Variants in ROS1 observed in about 807,000 individuals in gnomAD.
ROS1 encodes the protein ROS proto-oncogene 1, receptor tyrosine kinase.
Under a neutral mutation model 273.5 loss-of-function variants are expected in ROS1, and 263 were observed. That is an observed-to-expected ratio of 0.96 (90% CI 0.87 to 1.06). The LOEUF (loss-of-function observed/expected upper bound fraction) is 1.06. ROS1 is among the 50% of genes least tolerant of loss of function. The probability of loss-of-function intolerance (pLI) is 0.00; values close to 1 mark genes in which losing one functional copy is unlikely to be tolerated. For synonymous variants in ROS1, 1,008 were observed against 954.1 expected, an observed-to-expected ratio of 1.06 and a Z score of -1.04; for missense variants, 2,833 against 2,751.1, an observed-to-expected ratio of 1.03 and a Z score of -0.67.
intron 39 of ROS1, among the ~76,000 whole-genome samples, chr6:117,315,149 T>C (rs1353677920): frequency 1.3e-5 from 2 of 152,068 alleles, no homozygotes; most frequent in African/African-American, 2.4e-5. Context: ...AATTAAAATA[T>C]GTTAACAAAA....
intron 43 of ROS1, among the ~76,000 whole-genome samples, chr6:117,290,827 C>T (rs1745215840): frequency 6.6e-6 from 1 of 152,174 alleles, no homozygotes; most frequent in African/African-American, 2.4e-5. Flanking sequence ...TAAGCACCCC[C>T]ACTTCTTTGC....
At chr6:117,312,305 C>G (rs1156508883) in intron 39 of ROS1, among the ~76,000 whole-genome samples, 1 of 152,092 alleles carries the variant, frequency 6.6e-6, no homozygotes, top group Non-Finnish European at 1.5e-5. Context: ...AACAAATGCT[C>G]TTAAGTGGTG....
intron 43 of ROS1, among the ~76,000 whole-genome samples, chr6:117,297,496 C>T (rs374593453): frequency 1.3e-5 from 2 of 151,988 alleles, no homozygotes; most frequent in African/African-American, 2.4e-5. Flanking sequence ...CCAGAATATA[C>T]AAGGAATTCA....
intron 43 of ROS1, among the ~76,000 whole-genome samples, chr6:117,295,598 G>C (rs898990792): frequency 6.6e-6 from 1 of 152,152 alleles, no homozygotes; most frequent in African/African-American, 2.4e-5. Context: ...CATCTGACAA[G>C]GGGTTAATAA....
intron 39 of ROS1, among the ~76,000 whole-genome samples, chr6:117,313,089 A>G (rs566833839): frequency 1.3e-5 from 2 of 152,270 alleles, no homozygotes; most frequent in East Asian, 3.9e-4. Context: ...CTTACAACCT[A>G]CCATGTAGCA....
At chr6:117,306,782 C>T (rs771708478) in intron 42 of ROS1, among the ~76,000 whole-genome samples, 2 of 152,088 alleles carry the variant, frequency 1.3e-5, no homozygotes, top group African/African-American at 2.4e-5. Flanking sequence ...TTTATCATGA[C>T]AACTTAAGGC....
At position 117,389,587 on chromosome 6, in the gene ROS1, C is replaced by G. The variant is rs1399068165; in HGVS notation, c.1549G>C (p.Asp517His). ...DVKSFACENN[D>H]FLVTDGKVIF... is the part of the protein sequence containing the mutation. ...ACCTTGCCATCTGTGACAAGAAAGT[C>G]ATTGTTTTCACAAGCAAAACTTTTC... The change falls in exon 13 of 44, where the codon GAC becomes CAC. Residue 517 changes from aspartate to histidine, a missense_variant. By Grantham distance (81) the Asp-to-His change is moderately conservative. Transcript: ENST00000368507. 6.2e-7 allele frequency: 1 copy of G among 1,614,166 alleles called. No homozygotes were observed. The highest frequency in any genetic ancestry group is 1.1e-5 in the South Asian group (1 of 91,060).
intron 17 of ROS1, among the ~76,000 whole-genome samples, chr6:117,381,616 C>T (rs1772154118): frequency 6.6e-6 from 1 of 151,940 alleles, no homozygotes; most frequent in Non-Finnish European, 1.5e-5. Flanking sequence ...TGTATTTATA[C>T]CACATTTTCT....
At chr6:117,302,651 G>C (rs1774822487) in intron 42 of ROS1, among the ~76,000 whole-genome samples, 1 of 152,150 alleles carries the variant, frequency 6.6e-6, no homozygotes, top group Admixed American at 6.6e-5. Flanking sequence ...AGGCCCACAG[G>C]GTGCTACTTG....
At chr6:117,303,944 G>A (rs1249566971) in intron 42 of ROS1, among the ~76,000 whole-genome samples, 1 of 152,086 alleles carries the variant, frequency 6.6e-6, no homozygotes, top group East Asian at 1.9e-4. Context: ...TTATAATATG[G>A]CATACAAACT....
Position 117,318,256 on chromosome 6 carries a change from T to C in ROS1, c.5923-4A>G, listed in dbSNP as rs497186. On this transcript the variant is annotated splice_region_variant and splice_polypyrimidine_tract_variant and intron_variant, in intron 37 of 43. Transcript: ENST00000368507. ...CTGTGGAACCCTTCTTCAAAGTCTA[T>C]ACAACATAAAAACAAGTCAGGAATC... is the stretch of plus-strand genomic sequence containing the variant. 189,452 of 1,608,016 alleles carry C rather than the reference T, an allele frequency of 0.12. 12,044 individuals are homozygous for C. The highest frequency in any genetic ancestry group is 0.16 in the Middle Eastern group (951 of 6,038).
rs1264849617 is a variant in ROS1, at chr6:117,341,542, G to A, written c.4742C>T (p.Pro1581Leu). 1 of 1,613,678 alleles carries A rather than the reference G, an allele frequency of 6.2e-7. No individual in the cohort carries two copies. Among genetic ancestry groups the A allele is most frequent in the African/African-American group, 1.3e-5 (1 of 75,010 alleles). The change falls in exon 30 of 44, where the codon CCT becomes CTT. Residue 1581 changes from proline to leucine, a missense_variant. Transcript: ENST00000368507. ...SWRESHKPNG[P>L]KESVRYQLAI... is the part of the protein sequence containing the mutation. ...CAACTGATAACGGACTGATTCTTTA[G>A]GTCCATTTGGCTTGTGAGATTCTCT...
In ROS1 at chr6:117,287,606, AT is replaced by A. The variant is rs1397871509; in HGVS notation, c.*885del. On this transcript the variant is annotated 3_prime_UTR_variant, in exon 44 of 44. Transcript: ENST00000368507. ...CTGTTGTAAGCCTCAAAACTACAAA[AT>A]ATTTTACAGTAGTGATTAAAGACAA... Among the ~76,000 whole-genome samples the A allele has an allele frequency of 1.3e-5, 2 of 152,146 alleles. No homozygotes were observed. Among genetic ancestry groups the A allele is most frequent in the Non-Finnish European group, 2.9e-5 (2 of 68,024 alleles).
intron 26 of ROS1, among the ~76,000 whole-genome samples, chr6:117,353,809 C>T (rs1449119120): frequency 6.6e-6 from 1 of 152,082 alleles, no homozygotes; most frequent in East Asian, 1.9e-4. Context: ...GTGGAAAAGA[C>T]TATGGTCTTT....
At chr6:117,337,416 A>T in intron 31 of ROS1, 76 bp from the exon 32 acceptor site, 1 of 1,098,800 alleles carries the variant, frequency 9.1e-7, no homozygotes, top group South Asian at 1.6e-5. Context: ...GTATAGGCTT[A>T]TAGCAAGTGG....
At position 117,356,755 on chromosome 6, in the gene ROS1, C is replaced by T; in HGVS notation, c.4000G>A (p.Ala1334Thr). 6.2e-7 allele frequency: 1 copy of T among 1,614,150 alleles called. No homozygotes were observed. The highest frequency in any genetic ancestry group is 8.5e-7 in the Non-Finnish European group (1 of 1,180,010). Reference sequence around the variant, plus strand: ...AGGTTAGAGGTATCAATAGCCATTGCTCCACTTAACTCAAATTCAGTCACA... The same window carrying T: ...AGGTTAGAGGTATCAATAGCCATTGTTCCACTTAACTCAAATTCAGTCACA... ...CNVTEFELSG[A>T]MAIDTSNLEK... Residue 1334 changes from alanine (A) to threonine (T), a missense_variant, in exon 26 of 44, where the codon GCA becomes ACA. Transcript: ENST00000368507.
At chr6:117,300,300 T>C (rs17631294) in intron 43 of ROS1, among the ~76,000 whole-genome samples, 5,101 of 151,786 alleles carry the variant, frequency 0.034, 129 homozygotes, top group Non-Finnish European at 0.048. Context: ...AGAATCAGAC[T>C]AGATCTTAGC....
At chr6:117,371,866 T>G (rs988548980) in intron 18 of ROS1, among the ~76,000 whole-genome samples, 6 of 151,828 alleles carry the variant, frequency 4.0e-5, no homozygotes, top group African/African-American at 1.5e-4. Context: ...CATAACTCCA[T>G]CAGCCTGAGA....
chr6:117,389,692 T>C lies in ROS1; in HGVS notation c.1444A>G (p.Thr482Ala), dbSNP rs1772892852. 3 of 1,614,178 alleles carry C rather than the reference T, an allele frequency of 1.9e-6. No individual in the cohort carries two copies. The highest frequency in any genetic ancestry group is 2.5e-6 in the Non-Finnish European group (3 of 1,180,024). The change falls in exon 13 of 44, where the codon ACT (threonine) becomes GCT (alanine). Residue 482 changes from threonine (T) to alanine (A), a missense_variant. Physicochemically the swap from Thr to Ala is moderately conservative, Grantham distance 58 (BLOSUM62 0). Transcript: ENST00000368507. ...AATGTTGACATGAAGACTTGGGCAGTGTCATTGAAGTAAATGATTCGCTTG... is the reference window on the plus strand; with the variant it reads ...AATGTTGACATGAAGACTTGGGCAGCGTCATTGAAGTAAATGATTCGCTTG... ...QAKRIIYFND[T>A]AQVFMSTFLD...
Sources: allele counts gnomAD v4.1 joint callset (sites outside exome capture counted in the v4.1 genomes callset), GRCh38; gene constraint gnomAD v4.1.1; transcripts MANE v1.5; gene names NCBI Gene and HGNC (gene_info 2026-07-23, HGNC 2026-07-21).